CDH13: variants seen among roughly 807,000 people sequenced by gnomAD.
CDH13 encodes cadherin-13.
Under a neutral mutation model 63.8 loss-of-function variants are expected in CDH13, and 24 were observed. That is an observed-to-expected ratio of 0.38 (90% CI 0.27 to 0.53). The LOEUF is 0.53. CDH13 is among the 20% of genes least tolerant of loss of function. The probability of loss-of-function intolerance (pLI) is 0.85; values close to 1 mark genes in which losing one functional copy is unlikely to be tolerated. For synonymous variants in CDH13, 503 were observed against 355.3 expected (o/e 1.42, Z -4.67); for missense variants, 1,049 against 903.1 (o/e 1.16, Z -2.07).
rs998133773 is a variant in CDH13 at position 82,983,159 on chromosome 16, A to T, written c.158-48851A>T. ...TTCTGGGAATCTTCAAACTCATTCAACAGCTGATCTTGGCTCCAGGGCTTC... is the reference window on the plus strand; with the variant it reads ...TTCTGGGAATCTTCAAACTCATTCATCAGCTGATCTTGGCTCCAGGGCTTC... On this transcript the variant is annotated intron_variant, in intron 2 of 13. Coordinates refer to ENST00000567109, the MANE Select transcript of CDH13 (RefSeq NM_001257.5). Among the ~76,000 whole-genome samples, 3 of 152,182 alleles carry T rather than the reference A, an allele frequency of 2.0e-5. No homozygotes were observed. In the East Asian group the frequency reaches 5.8e-4, roughly 29 times the overall value.
rs148284328 is a variant in CDH13, at chr16:82,627,200, C to A, written c.45+63C>A. 4.3e-4 allele frequency: 624 copies of A among 1,446,636 alleles called. 2 individuals carry two copies. The highest frequency in any genetic ancestry group is 1.1e-3 in the Middle Eastern group (5 of 4,350). The allele number at this position is 1,446,636 out of a possible 1,614,324, so 89.6% of individuals were successfully genotyped here. ...GTTTCTGCATTCGGATCGCCCGGCACGGGCAGGGTGAGGGGGCTTTCGGGG... is the reference window on the plus strand; with the variant it reads ...GTTTCTGCATTCGGATCGCCCGGCAAGGGCAGGGTGAGGGGGCTTTCGGGG... On this transcript the variant is annotated intron_variant, in intron 1 of 13. Coordinates refer to ENST00000567109, the MANE Select transcript of CDH13 (RefSeq NM_001257.5).
At chr16:83,694,441 C>A (rs556500273) in intron 10 of CDH13, among the ~76,000 whole-genome samples, 1 of 152,154 alleles carries the variant, frequency 6.6e-6, no homozygotes, top group Non-Finnish European at 1.5e-5. Context: ...GGATGGGGAG[C>A]AGTCAGGAAT....
intron 11 of CDH13, among the ~76,000 whole-genome samples, chr16:83,759,514 T>C (rs1913783905): frequency 7.2e-6 from 1 of 138,656 alleles, no homozygotes; most frequent in Admixed American, 6.9e-5. Flanking sequence ...ACAAAAGTAC[T>C]AACCACAAAA....
intron 4 of CDH13, among the ~76,000 whole-genome samples, chr16:83,208,098 G>A (rs964303482): frequency 6.6e-6 from 1 of 152,138 alleles, no homozygotes; most frequent in African/African-American, 2.4e-5. Context: ...GATGAACACA[G>A]ACAGCCCTAG....
chr16:83,009,050 C>T (rs1004924276), intron 2 of CDH13, among the ~76,000 whole-genome samples: 2 of 152,168 alleles, frequency 1.3e-5, no homozygotes, highest in African/African-American at 4.8e-5. Flanking sequence ...GAAACTACTG[C>T]CATTATTCAA....
chr16:82,958,236 A>G (rs1403361471), intron 2 of CDH13, among the ~76,000 whole-genome samples: 2 of 152,142 alleles, frequency 1.3e-5, no homozygotes. Flanking sequence ...CTACTTAACA[A>G]TTGTCCTCGG....
chr16:82,680,513 A>G (rs1914428236), intron 1 of CDH13, among the ~76,000 whole-genome samples: 1 of 152,078 alleles, frequency 6.6e-6, no homozygotes, highest in African/African-American at 2.4e-5. Context: ...TGTGGATAGG[A>G]CAGATTATTT....
At chr16:83,414,969 G>A (rs1010749353) in intron 6 of CDH13, among the ~76,000 whole-genome samples, 3 of 151,936 alleles carry the variant, frequency 2.0e-5, no homozygotes, top group Non-Finnish European at 4.4e-5. Context: ...TGGGTCATAT[G>A]GTAGAAAAGT....
intron 1 of CDH13, among the ~76,000 whole-genome samples, chr16:82,835,773 C>G (rs924086961): frequency 6.6e-5 from 10 of 152,188 alleles, no homozygotes; most frequent in African/African-American, 2.4e-4. Context: ...CTGTGATGAT[C>G]AATCCATATG....
intron 7 of CDH13, among the ~76,000 whole-genome samples, chr16:83,594,688 G>A (rs1199316525): frequency 6.6e-6 from 1 of 152,156 alleles, no homozygotes; most frequent in Non-Finnish European, 1.5e-5. Context: ...GTGGGTTAAT[G>A]GGAAAACCTT....
intron 6 of CDH13, among the ~76,000 whole-genome samples, chr16:83,413,173 G>A (rs532387538): frequency 2.6e-5 from 4 of 152,174 alleles, no homozygotes; most frequent in Non-Finnish European, 5.9e-5. Context: ...GCAAAGGCAC[G>A]GTGATGCAGT....
intron 8 of CDH13, among the ~76,000 whole-genome samples, chr16:83,631,392 G>C (rs1910769324): frequency 6.6e-6 from 1 of 152,082 alleles, no homozygotes; most frequent in South Asian, 2.1e-4. Flanking sequence ...CTGTTGCTTG[G>C]AGAAGAAACA....
intron 4 of CDH13, among the ~76,000 whole-genome samples, chr16:83,211,396 C>G (rs975537524): frequency 2.0e-5 from 3 of 152,138 alleles, no homozygotes; most frequent in African/African-American, 7.2e-5. Context: ...TATACACATA[C>G]AAACCTCAAC....
intron 7 of CDH13, among the ~76,000 whole-genome samples, chr16:83,558,425 C>T (rs2075642701): frequency 1.3e-5 from 2 of 152,156 alleles, no homozygotes; most frequent in Admixed American, 6.5e-5. Flanking sequence ...TTATGTGCAA[C>T]AACTTCTTAC....
At chr16:82,946,319 A>G (rs892904369) in intron 2 of CDH13, among the ~76,000 whole-genome samples, 1 of 152,130 alleles carries the variant, frequency 6.6e-6, no homozygotes. Context: ...GCAGCTTCTC[A>G]AAAATGTAAG....
chr16:83,546,655 C>G (rs10871276), intron 7 of CDH13, among the ~76,000 whole-genome samples: 2 of 151,880 alleles, frequency 1.3e-5, no homozygotes, highest in Non-Finnish European at 2.9e-5. Context: ...TTCTGGGTAG[C>G]GAAGTTTGGG....
intron 1 of CDH13, among the ~76,000 whole-genome samples, chr16:82,782,390 T>A (rs1212719402): frequency 6.6e-6 from 1 of 152,056 alleles, no homozygotes. Flanking sequence ...TGAAACTCTG[T>A]CTTTACTAAA....
chr16:83,754,701 T>A (rs1461498607), intron 11 of CDH13, among the ~76,000 whole-genome samples: 2 of 152,196 alleles, frequency 1.3e-5, no homozygotes, highest in African/African-American at 4.8e-5. Flanking sequence ...CCTGCTGCCA[T>A]CCCTGTAAGA....
At chr16:82,781,660 C>T (rs2035760273) in intron 1 of CDH13, among the ~76,000 whole-genome samples, 1 of 152,192 alleles carries the variant, frequency 6.6e-6, no homozygotes. Flanking sequence ...GTCCATCTAT[C>T]TATTCAACCT....
Sources: gnomAD v4.1 joint callset for allele counts (sites outside exome capture counted in the v4.1 genomes callset) on GRCh38, gnomAD v4.1.1 for gene constraint, MANE v1.5 for transcripts, NCBI Gene and HGNC (gene_info 2026-07-23, HGNC 2026-07-21) for gene names.